The following FGF14 variants were observed in gnomAD, a reference collection of about 807,000 sequenced individuals.
FGF14 encodes the protein fibroblast growth factor 14, also known as fibroblast growth factor homologous factor 4.
FGF14 carries 5 observed loss-of-function variants against 25.5 expected under a neutral mutation model. The observed-to-expected ratio is 0.20, with a 90% CI of 0.10 to 0.41. The LOEUF (loss-of-function observed/expected upper bound fraction) is 0.41, where lower values mean the gene tolerates loss of function less well. FGF14 is among the 10% of genes least tolerant of loss of function. FGF14 has a pLI of 1.00. For missense variants in FGF14, 222 were observed against 320.1 expected (o/e 0.69, Z 2.34); for synonymous variants, 138 against 118.3 (o/e 1.17, Z -1.08).
intron 1 of FGF14, among the ~76,000 whole-genome samples, chr13:102,054,681 A>G (rs577829056): frequency 1.4e-4 from 21 of 152,272 alleles, no homozygotes; most frequent in Admixed American, 3.9e-4. Context: ...TCTACTATAC[A>G]TCGCATCTGG....
intron 1 of FGF14, among the ~76,000 whole-genome samples, chr13:102,113,530 T>C (rs918112855): frequency 6.6e-6 from 1 of 152,250 alleles, no homozygotes; most frequent in Non-Finnish European, 1.5e-5. Flanking sequence ...GTTGTCAATA[T>C]ATCTATATTC....
At chr13:102,300,418 A>G (rs527422995) in intron 1 of FGF14, 18 of 152,290 alleles carry the variant, frequency 1.2e-4, no homozygotes, top group African/African-American at 4.1e-4. Context: ...TACCCCCCTC[A>G]GCAAATTATT....
chr13:101,727,542 C>T (rs1177540483), intron 3 of FGF14, among the ~76,000 whole-genome samples: 1 of 152,116 alleles, frequency 6.6e-6, no homozygotes, highest in African/African-American at 2.4e-5. Flanking sequence ...CTATTATGCT[C>T]AATGCCATGG....
chr13:102,358,417 G>T (rs1451390324), intron 1 of FGF14, among the ~76,000 whole-genome samples: 2 of 152,168 alleles, frequency 1.3e-5, no homozygotes. Flanking sequence ...TTACAGGCTT[G>T]TAACTACATA....
At chr13:101,849,671 T>TGA (rs990222369) in intron 3 of FGF14, among the ~76,000 whole-genome samples, 3 of 151,982 alleles carry the variant, frequency 2.0e-5, no homozygotes, top group Non-Finnish European at 4.4e-5. Context: ...AAGAAATGGA[T>TGA]GAGAGAGAGA....
intron 3 of FGF14, among the ~76,000 whole-genome samples, chr13:101,806,466 T>C (rs992979923): frequency 6.0e-5 from 9 of 151,196 alleles, no homozygotes; most frequent in African/African-American, 2.2e-4. Context: ...TATATGTACA[T>C]TGAGAAAATT....
At chr13:102,217,780 G>A (rs60250718) in intron 1 of FGF14, among the ~76,000 whole-genome samples, 11,718 of 152,144 alleles carry the variant, frequency 0.077, 736 homozygotes, top group African/African-American at 0.17. Context: ...GTCCACCGGT[G>A]AAGCGCTACA....
intron 1 of FGF14, among the ~76,000 whole-genome samples, chr13:101,981,252 C>T (rs904062341): frequency 6.6e-6 from 1 of 151,664 alleles, no homozygotes; most frequent in Non-Finnish European, 1.5e-5. Flanking sequence ...TGCACTCCAG[C>T]CTGAGCAACA....
intron 1 of FGF14, among the ~76,000 whole-genome samples, chr13:102,279,080 G>C (rs1171846443): frequency 6.6e-6 from 1 of 152,108 alleles, no homozygotes; most frequent in Non-Finnish European, 1.5e-5. Context: ...ACTAGTGGAA[G>C]AAAACTGGAC....
At chr13:102,199,641 C>T (rs1190141595) in intron 1 of FGF14, among the ~76,000 whole-genome samples, 1 of 152,138 alleles carries the variant, frequency 6.6e-6, no homozygotes, top group Non-Finnish European at 1.5e-5. Context: ...TTGGAGAGTA[C>T]AAAAGACCTC....
rs978335005 is a variant in FGF14 at position 101,820,806 on chromosome 13, A to AAC, written c.408+47917_408+47918dup. 6.4e-3 allele frequency among the ~76,000 whole-genome samples: 541 copies of AAC among 83,918 alleles called. 3 individuals are homozygous for AAC. The highest frequency in any genetic ancestry group is 0.019 in the African/African-American group (510 of 27,234). 55.1% of individuals were successfully genotyped at this position (83,918 alleles called of 152,430 possible). ...CACACACACACACACACACACACAC[A>AAC]ACACACACACACACACCACACACAC... is the stretch of plus-strand genomic sequence containing the variant. On this transcript the variant is annotated intron_variant, in intron 3 of 4. Transcript: ENST00000376143.
intron 1 of FGF14, among the ~76,000 whole-genome samples, chr13:101,965,369 C>T (rs1345885998): frequency 6.6e-6 from 1 of 152,106 alleles, no homozygotes; most frequent in Non-Finnish European, 1.5e-5. Context: ...ATGTGAAGAA[C>T]TGCATGGCAG....
intron 3 of FGF14, among the ~76,000 whole-genome samples, chr13:101,781,126 CTT>C (rs1310354720): frequency 1.6e-5 from 2 of 124,374 alleles, no homozygotes; most frequent in African/African-American, 2.9e-5. Context: ...CCTGCTCTCT[CTT>C]TGTCTTTGTC....
chr13:102,110,337 T>G (rs1325513857), intron 1 of FGF14, among the ~76,000 whole-genome samples: 1 of 152,136 alleles, frequency 6.6e-6, no homozygotes, highest in Non-Finnish European at 1.5e-5. Flanking sequence ...ATTACCTGCT[T>G]GATCTAGTGA....
chr13:102,394,712 CG>C, intron 1 of FGF14: 1 of 152,490 alleles, frequency 6.6e-6, no homozygotes, highest in Non-Finnish European at 1.5e-5. Flanking sequence ...GCGGCGGGAC[CG>C]GGGACTCTGG....
At chr13:102,387,483 A>G (rs868543530) in intron 1 of FGF14, among the ~76,000 whole-genome samples, 10 of 146,646 alleles carry the variant, frequency 6.8e-5, no homozygotes, top group African/African-American at 2.5e-4. Flanking sequence ...CAAACTGGTT[A>G]AAAAAAAAAA....
In FGF14 at chr13:102,015,932, A is replaced by C. The variant is rs561499309; in HGVS notation, c.209-140636T>G. 2.0e-5 allele frequency among the ~76,000 whole-genome samples: 3 copies of C among 152,250 alleles called. No individual in the cohort carries two copies. The East Asian group carries it at 5.8e-4, about 29-fold the overall frequency. On this transcript the variant is annotated intron_variant, in intron 1 of 4. Coordinates refer to the FGF14 transcript ENST00000376131. ...TTAAAAAATTGCAAAAACCAATAGA[A>C]ATACTCTCCAAAATTTAATGTATTA...
Position 102,226,695 on chromosome 13 carries a change from T to C in FGF14, c.208+174776A>G, listed in dbSNP as rs149066584. Reference sequence around the variant, plus strand: ...TAGTTCTCATTGTACCTGATCTCTTTAGGGAACATCATCTACTCTCTTACA... The same window carrying C: ...TAGTTCTCATTGTACCTGATCTCTTCAGGGAACATCATCTACTCTCTTACA... On this transcript the variant is annotated intron_variant, in intron 1 of 4. Coordinates refer to the FGF14 transcript ENST00000376131. Among the ~76,000 whole-genome samples, 82 of 152,278 alleles carry C rather than the reference T, an allele frequency of 5.4e-4. 1 individual carries two copies. The highest frequency in any genetic ancestry group is 1.9e-3 in the African/African-American group (77 of 41,568).
At chr13:102,030,869 A>G (rs538764656) in intron 1 of FGF14, among the ~76,000 whole-genome samples, 5 of 152,216 alleles carry the variant, frequency 3.3e-5, no homozygotes, top group African/African-American at 1.2e-4. Context: ...GTGTAAGCGA[A>G]TACTCGGTAT....
Sources: allele counts gnomAD v4.1 joint callset (sites outside exome capture counted in the v4.1 genomes callset), GRCh38; gene constraint gnomAD v4.1.1; transcripts MANE v1.5; gene names NCBI Gene and HGNC (gene_info 2026-07-23, HGNC 2026-07-21).